CLDN10: variants seen among roughly 807,000 people sequenced by gnomAD.
CLDN10 encodes claudin-10.
CLDN10 carries 15 observed loss-of-function variants against 22.9 expected under a neutral mutation model. That is an observed-to-expected ratio of 0.65 (90% CI 0.44 to 1.01). The LOEUF (loss-of-function observed/expected upper bound fraction) is 1.01. Among genes scored for constraint, CLDN10 ranks in the 50% least tolerant of loss-of-function variants. The pLI, the probability that CLDN10 is intolerant of heterozygous loss-of-function variation, is 0.00. For synonymous variants in CLDN10, 114 were observed against 111.4 expected (o/e 1.02, Z -0.15); for missense variants, 247 against 287.8 (o/e 0.86, Z 1.03).
At chr13:95,495,020 A>ATAATTAAT (rs34849170) in intron 1 of CLDN10, among the ~76,000 whole-genome samples, 1,702 of 147,868 alleles carry the variant, frequency 0.012, 35 homozygotes, top group African/African-American at 0.036. Context: ...TCCTTTCAAT[A>ATAATTAAT]TAATTAATTA....
intron 1 of CLDN10, among the ~76,000 whole-genome samples, chr13:95,532,792 C>CAAAAAAAAAAA (rs57500288): frequency 7.7e-4 from 48 of 61,990 alleles, no homozygotes; most frequent in Admixed American, 1.3e-3. Flanking sequence ...CTCAATTCAG[C>CAAAAAAAAAAA]AAAAAAAAAA....
At chr13:95,516,744 G>A (rs1423510353) in intron 1 of CLDN10, among the ~76,000 whole-genome samples, 1 of 152,142 alleles carries the variant, frequency 6.6e-6, no homozygotes, top group Non-Finnish European at 1.5e-5. Context: ...GGATCTCTGT[G>A]TGTGCACAGA....
In CLDN10 at chr13:95,564,288, T is replaced by C. The variant is rs543037674; in HGVS notation, c.464+3825T>C. 2.2e-4 allele frequency among the ~76,000 whole-genome samples: 33 copies of C among 152,272 alleles called. 1 individual carries two copies. In the South Asian group the frequency reaches 2.3e-3, roughly 11 times the overall value. On this transcript the variant is annotated intron_variant, in intron 3 of 4. Coordinates refer to ENST00000299339, the MANE Select transcript of CLDN10 (RefSeq NM_006984.5). ...TCCTTTCAGAATTAGCAAAGAAAAT[T>C]GTTGTCTCAGTGGATAGAGGGAGCC...
intron 1 of CLDN10, among the ~76,000 whole-genome samples, chr13:95,554,384 C>G (rs2043607340): frequency 6.7e-6 from 1 of 148,896 alleles, no homozygotes; most frequent in African/African-American, 2.5e-5. Flanking sequence ...TTCTGTAGGA[C>G]AGTTGGGGGA....
At chr13:95,511,200 T>G (rs1280468292) in intron 1 of CLDN10, among the ~76,000 whole-genome samples, 2 of 152,180 alleles carry the variant, frequency 1.3e-5, no homozygotes, top group Non-Finnish European at 2.9e-5. Flanking sequence ...GTCAGTCAAC[T>G]GTAAGAACTC....
At chr13:95,536,986 T>C (rs1021385267) in intron 1 of CLDN10, among the ~76,000 whole-genome samples, 1 of 152,172 alleles carries the variant, frequency 6.6e-6, no homozygotes, top group East Asian at 1.9e-4. Flanking sequence ...TCCTGTCCTG[T>C]TGTGTGTGTG....
intron 1 of CLDN10, among the ~76,000 whole-genome samples, chr13:95,507,044 T>C (rs1029910094): frequency 6.6e-6 from 1 of 152,214 alleles, no homozygotes; most frequent in Non-Finnish European, 1.5e-5. Flanking sequence ...AGTCTCAACA[T>C]AGTGTTAAAA....
intron 3 of CLDN10, among the ~76,000 whole-genome samples, chr13:95,570,153 A>T (rs944266594): frequency 6.6e-6 from 1 of 152,216 alleles, no homozygotes; most frequent in South Asian, 2.1e-4. Context: ...AGCTCAGGAC[A>T]GTATTTGTTA....
intron 1 of CLDN10, among the ~76,000 whole-genome samples, chr13:95,498,320 G>A (rs2042948925): frequency 6.6e-6 from 1 of 152,220 alleles, no homozygotes; most frequent in Non-Finnish European, 1.5e-5. Context: ...ACATTCCAAA[G>A]AGAATTTCAG....
At chr13:95,569,717 G>T (rs2043830663) in intron 3 of CLDN10, among the ~76,000 whole-genome samples, 1 of 152,146 alleles carries the variant, frequency 6.6e-6, no homozygotes, top group East Asian at 1.9e-4. Context: ...GATACTCTTG[G>T]TTCAATTCTA....
intron 1 of CLDN10, among the ~76,000 whole-genome samples, chr13:95,471,941 A>ATTTTTT (rs58891166): frequency 5.2e-5 from 5 of 95,816 alleles, no homozygotes; most frequent in African/African-American, 2.1e-4. Flanking sequence ...ACACTCAGCT[A>ATTTTTT]TTTTTTTTTT....
chr13:95,492,499 G>A (rs1018881134), intron 1 of CLDN10, among the ~76,000 whole-genome samples: 3 of 152,048 alleles, frequency 2.0e-5, no homozygotes, highest in African/African-American at 7.2e-5. Context: ...CGAAGGGTCG[G>A]CCTCACTCCC....
At chr13:95,512,795 T>C (rs1356032258) in intron 1 of CLDN10, among the ~76,000 whole-genome samples, 1 of 152,190 alleles carries the variant, frequency 6.6e-6, no homozygotes, top group Non-Finnish European at 1.5e-5. Flanking sequence ...TAGGGAAAAA[T>C]CAGCTTTTCA....
At chr13:95,510,833 A>G (rs1233496565) in intron 1 of CLDN10, among the ~76,000 whole-genome samples, 1 of 152,194 alleles carries the variant, frequency 6.6e-6, no homozygotes, top group Non-Finnish European at 1.5e-5. Context: ...TGAGTCTCCA[A>G]TGAACCAGTA....
upstream of CLDN10, among the ~76,000 whole-genome samples, chr13:95,550,657 C>T (rs904135380): frequency 6.6e-6 from 1 of 151,818 alleles, no homozygotes; most frequent in African/African-American, 2.4e-5. Context: ...AGGAATATGG[C>T]ATAGAAATAA....
intron 1 of CLDN10, among the ~76,000 whole-genome samples, chr13:95,434,764 G>C (rs1241329572): frequency 1.3e-5 from 2 of 151,910 alleles, no homozygotes; most frequent in African/African-American, 4.8e-5. Flanking sequence ...GTCACACTGA[G>C]CATTCCAAAA....
intron 1 of CLDN10, among the ~76,000 whole-genome samples, chr13:95,536,904 TAGTG>T (rs1446598743): frequency 1.3e-5 from 2 of 152,252 alleles, no homozygotes; most frequent in African/African-American, 4.8e-5. Flanking sequence ...TCTTTGCTGC[TAGTG>T]GTATTTAAAT....
intron 1 of CLDN10, among the ~76,000 whole-genome samples, chr13:95,503,248 G>A (rs1206093113): frequency 1.3e-5 from 2 of 152,168 alleles, no homozygotes; most frequent in African/African-American, 2.4e-5. Flanking sequence ...AGCCACAAGA[G>A]TGAATGTGTT....
chr13:95,442,073 C>T (rs2042329869), intron 1 of CLDN10, among the ~76,000 whole-genome samples: 2 of 152,156 alleles, frequency 1.3e-5, no homozygotes, highest in South Asian at 4.1e-4. Context: ...ATCACCTGAG[C>T]CAGGGAGGTC....
Sources: gnomAD v4.1 joint callset for allele counts (sites outside exome capture counted in the v4.1 genomes callset) on GRCh38, gnomAD v4.1.1 for gene constraint, MANE v1.5 for transcripts, NCBI Gene and HGNC (gene_info 2026-07-23, HGNC 2026-07-21) for gene names.